The following EGFR variants were observed in gnomAD, a reference collection of about 807,000 sequenced individuals.
EGFR encodes the protein avian erythroblastic leukemia viral (v-erb-b) oncogene homolog.
A neutral mutation model predicts 143.0 loss-of-function variants in EGFR; 58 were observed. The observed-to-expected ratio is 0.41, with a 90% CI of 0.33 to 0.50. EGFR has a LOEUF of 0.50. EGFR is among the 20% of genes least tolerant of loss of function. The probability of loss-of-function intolerance (pLI) is 0.39; values close to 1 mark genes in which losing one functional copy is unlikely to be tolerated. For synonymous variants in EGFR, 613 were observed against 594.4 expected, an observed-to-expected ratio of 1.03 and a Z score of -0.45; for missense variants, 1,307 against 1,579.0, an observed-to-expected ratio of 0.83 and a Z score of 2.92.
intron 15 of EGFR, chr7:55,170,235 C>G: frequency 6.2e-7 from 1 of 1,612,286 alleles, no homozygotes; most frequent in Non-Finnish European, 8.5e-7. Flanking sequence ...CTGTTAGGAT[C>G]AGATTATAGT....
intron 1 of EGFR, among the ~76,000 whole-genome samples, chr7:55,030,922 G>T (rs944252784): frequency 1.3e-5 from 2 of 152,232 alleles, no homozygotes; most frequent in Admixed American, 1.3e-4. Context: ...GAGTGCGGCA[G>T]TGAGTAGATC....
intron 1 of EGFR, among the ~76,000 whole-genome samples, chr7:55,076,104 A>G (rs2128886804): frequency 6.6e-6 from 1 of 152,346 alleles, no homozygotes; most frequent in South Asian, 2.1e-4. Flanking sequence ...GGATACTGGT[A>G]TGGTTTATTA....
At chr7:55,033,311 T>C (rs1787370405) in intron 1 of EGFR, among the ~76,000 whole-genome samples, 1 of 152,158 alleles carries the variant, frequency 6.6e-6, no homozygotes, top group Non-Finnish European at 1.5e-5. Context: ...TTTTGTTTTG[T>C]TTTGTTTTCA....
rs1792354185 is a variant in EGFR at position 55,109,777 on chromosome 7, G to A, written c.89-32509G>A. The A allele has an allele frequency of 3.0e-6, 3 of 985,384 alleles. No homozygotes were observed. The South Asian group carries it at 1.4e-4, about 46-fold the overall frequency. 61.0% of individuals were successfully genotyped at this position (985,384 alleles called of 1,614,324 possible). A position where few individuals can be genotyped will look rare whatever the true frequency, so the allele number is the denominator to read the frequency against. Reference sequence around the variant, plus strand: ...ATTTCCATGACAAAAGGGCCTGTCTGGTGTTTCAGCAAATGAAAACAAAAA... The same window carrying A: ...ATTTCCATGACAAAAGGGCCTGTCTAGTGTTTCAGCAAATGAAAACAAAAA... On this transcript the variant is annotated intron_variant, in intron 1 of 27. Coordinates refer to ENST00000275493, the MANE Select transcript of EGFR (RefSeq NM_005228.5).
At chr7:55,141,968 T>G (rs41373948) in intron 1 of EGFR, among the ~76,000 whole-genome samples, 44 of 152,354 alleles carry the variant, frequency 2.9e-4, no homozygotes, top group African/African-American at 9.9e-4. Context: ...CATTTTTTTA[T>G]TTTGGCATTT....
rs1391751872 is a variant in EGFR at position 55,210,903 on chromosome 7, G to GT, written c.*5288dup. 5.4e-4 allele frequency: 83 copies of GT among 152,352 alleles called. 1 individual carries two copies. The highest frequency in any genetic ancestry group is 1.9e-3 in the African/African-American group (81 of 41,584). The allele number at this position is 152,352 out of a possible 1,614,324, so 9.4% of individuals were successfully genotyped here. ...AGTGAAAGAAAACGCTGGCCTATCAGTTACATTACAAAAGGCAGATTTCAA... is the reference window on the plus strand; with the variant it reads ...AGTGAAAGAAAACGCTGGCCTATCAGTTTACATTACAAAAGGCAGATTTCAA... On this transcript the variant is annotated 3_prime_UTR_variant, in exon 28 of 28. Coordinates refer to ENST00000275493, the MANE Select transcript of EGFR (RefSeq NM_005228.5).
intron 7 of EGFR, among the ~76,000 whole-genome samples, chr7:55,155,070 A>G (rs1785344375): frequency 6.6e-6 from 1 of 152,252 alleles, no homozygotes; most frequent in Non-Finnish European, 1.5e-5. Flanking sequence ...CTGAGATACC[A>G]AGAGCAGATG....
At chr7:55,191,926 G>T (rs1467648905) in intron 21 of EGFR, 52 bp downstream of exon 21, 2 of 1,608,568 alleles carry the variant, frequency 1.2e-6, no homozygotes, top group Non-Finnish European at 8.5e-7. Context: ...CAGGGACCAG[G>T]CTGCCTTCCC....
chr7:55,109,707 TCA>T, intron 1 of EGFR: 1 of 984,768 alleles, frequency 1.0e-6, no homozygotes, highest in Non-Finnish European at 1.2e-6. Flanking sequence ...AACTTTTGAC[TCA>T]CAGGACAAAT....
At chr7:55,068,482 T>C (rs552529541) in intron 1 of EGFR, among the ~76,000 whole-genome samples, 1 of 152,312 alleles carries the variant, frequency 6.6e-6, no homozygotes, top group East Asian at 1.9e-4. Context: ...TCTTCAGAGA[T>C]AGCTTAGAGT....
intron 4 of EGFR, among the ~76,000 whole-genome samples, chr7:55,149,679 A>C (rs1487685023): frequency 6.6e-6 from 1 of 152,222 alleles, no homozygotes; most frequent in Non-Finnish European, 1.5e-5. Context: ...GGAATAAGAG[A>C]AAAAGAAATA....
At chr7:55,126,334 T>G (rs1793522522) in intron 1 of EGFR, among the ~76,000 whole-genome samples, 1 of 152,250 alleles carries the variant, frequency 6.6e-6, no homozygotes, top group Non-Finnish European at 1.5e-5. Flanking sequence ...AAAAGGACGA[T>G]GACAACAGCA....
chr7:55,065,742 T>C (rs1259985182), intron 1 of EGFR, among the ~76,000 whole-genome samples: 1 of 152,090 alleles, frequency 6.6e-6, no homozygotes, highest in Admixed American at 6.5e-5. Context: ...GTGGCCATTT[T>C]ACTTTCCCTC....
chr7:55,197,911 T>C (rs780841717), intron 22 of EGFR, among the ~76,000 whole-genome samples: 12 of 152,238 alleles, frequency 7.9e-5, no homozygotes, highest in Non-Finnish European at 1.6e-4. Context: ...CAGTATTTTG[T>C]TGAGGATTTT....
chr7:55,099,362 T>C (rs1791668813), intron 1 of EGFR, among the ~76,000 whole-genome samples: 1 of 152,224 alleles, frequency 6.6e-6, no homozygotes, highest in Non-Finnish European at 1.5e-5. Flanking sequence ...TTTTTCTTTT[T>C]AATGCCACAT....
At chr7:55,036,269 T>TGG (rs1562656982) in intron 1 of EGFR, among the ~76,000 whole-genome samples, 8 of 16,824 alleles carry the variant, frequency 4.8e-4, no homozygotes, top group Non-Finnish European at 1.0e-3. Flanking sequence ...TTTGTGTGTG[T>TGG]GTGGGGGGGG....
Position 55,174,770 on chromosome 7 carries a change from A to G in EGFR, c.2233A>G (p.Lys745Glu). 1 of 1,614,130 alleles carries G rather than the reference A, an allele frequency of 6.2e-7. No individual in the cohort carries two copies. The highest frequency in any genetic ancestry group is 8.5e-7 in the Non-Finnish European group (1 of 1,179,986). Residue 745 changes from lysine (K) to glutamate (E), a missense_variant, in exon 19 of 28, where the codon AAG becomes GAG. Transcript: ENST00000275493. ...GEKVKIPVAIKELREATSPKA... is the reference protein window; with the variant it reads ...GEKVKIPVAIEELREATSPKA... ...GAAAGTTAAAATTCCCGTCGCTATC[A>G]AGGAATTAAGAGAAGCAACATCTCC...
chr7:55,092,897 A>T (rs115477104), intron 1 of EGFR, among the ~76,000 whole-genome samples: 2,388 of 152,376 alleles, frequency 0.016, 66 homozygotes, highest in African/African-American at 0.054. Flanking sequence ...TGGATTAGAC[A>T]TTAGGAATTT....
intron 1 of EGFR, among the ~76,000 whole-genome samples, chr7:55,044,639 G>A (rs1352511997): frequency 6.6e-6 from 1 of 152,178 alleles, no homozygotes; most frequent in Non-Finnish European, 1.5e-5. Flanking sequence ...GGTGACCAAG[G>A]GTCTTGTTGG....
Sources: gnomAD v4.1 joint callset for allele counts (sites outside exome capture counted in the v4.1 genomes callset) on GRCh38, gnomAD v4.1.1 for gene constraint, MANE v1.5 for transcripts, NCBI Gene and HGNC (gene_info 2026-07-23, HGNC 2026-07-21) for gene names.